Variants in CAPN11 observed in about 807,000 individuals in gnomAD.
CAPN11 encodes calpain 11, also known as calpain-11.
Under a neutral mutation model 105.3 loss-of-function variants are expected in CAPN11, and 108 were observed. The observed-to-expected ratio is 1.03, with a 90% confidence interval of 0.88 to 1.20. The LOEUF (loss-of-function observed/expected upper bound fraction) is 1.20. Among genes scored for constraint, CAPN11 ranks in the 50% most tolerant of loss-of-function variants. The pLI, the probability that CAPN11 is intolerant of heterozygous loss-of-function variation, is 0.00. For synonymous variants in CAPN11, 329 were observed against 344.5 expected, an observed-to-expected ratio of 0.96 and a Z score of 0.50; for missense variants, 883 against 924.8, an observed-to-expected ratio of 0.95 and a Z score of 0.59.
At position 44,176,871 on chromosome 6, in the gene CAPN11, G is replaced by A. The variant is rs766211947; in HGVS notation, c.1110G>A (p.Thr370=). ...ACCAAGATTTCCTGAACAACTTCAC[G>A]CTCCTGGAGATCTGCAACCTCACGC... ...MSYQDFLNNF[T]LLEICNLTPD... Residue 370 remains threonine, a synonymous_variant, in exon 11 of 23, where the codon ACG becomes ACA. Coordinates refer to ENST00000398776, the MANE Select transcript of CAPN11 (RefSeq NM_007058.4). The A allele has an allele frequency of 9.8e-5, 158 of 1,613,762 alleles. No homozygotes were observed. The highest frequency in any genetic ancestry group is 1.2e-4 in the Non-Finnish European group (136 of 1,179,882).
Position 44,173,396 on chromosome 6 carries a change from G to T in CAPN11, c.831+10G>T. On this transcript the variant is annotated intron_variant, in intron 7 of 22. Transcript: ENST00000398776. ...GGGTTGCTCCATTGAAGTAAGCAAAGCATGGTCCCACCTCAGGGCCTTTGC... is the reference window on the plus strand; with the variant it reads ...GGGTTGCTCCATTGAAGTAAGCAAATCATGGTCCCACCTCAGGGCCTTTGC... 1 of 1,580,974 alleles carries T rather than the reference G, an allele frequency of 6.3e-7. No individual in the cohort carries two copies. Among genetic ancestry groups the T allele is most frequent in the Non-Finnish European group, 8.6e-7 (1 of 1,158,698 alleles).
rs183689207 is a variant in CAPN11, at chr6:44,168,419, G to A, written c.89-862G>A. Among the ~76,000 whole-genome samples, 548 of 151,064 alleles carry A rather than the reference G, an allele frequency of 3.6e-3. 1 individual carries two copies. Among genetic ancestry groups the A allele is most frequent in the Non-Finnish European group, 5.5e-3 (371 of 67,718 alleles). On this transcript the variant is annotated intron_variant, in intron 2 of 22. Transcript: ENST00000398776. ...CGAATAGCTGGGATTACAGGCGCCC[G>A]CCACCACGCCCAGCTAATTTTTGTA...
intron 1 of CAPN11, among the ~76,000 whole-genome samples, chr6:44,162,397 ACAC>A (rs1769030991): frequency 6.7e-6 from 1 of 149,552 alleles, no homozygotes; most frequent in Admixed American, 6.9e-5. Flanking sequence ...ACACACACAC[ACAC>A]ACACACACAC....
chr6:44,162,325 T>C (rs1768995704), intron 1 of CAPN11, among the ~76,000 whole-genome samples: 1 of 151,342 alleles, frequency 6.6e-6, no homozygotes, highest in Non-Finnish European at 1.5e-5. Flanking sequence ...CTCCACTGTT[T>C]AACCCCGCCC....
At position 44,177,235 on chromosome 6, in the gene CAPN11, G is replaced by A. The variant is rs200893630; in HGVS notation, c.1238-7G>A. The A allele has an allele frequency of 2.0e-5, 31 of 1,570,438 alleles. No homozygotes were observed. The highest frequency in any genetic ancestry group is 5.4e-5 in the African/African-American group (4 of 73,956). ...CGTATAACCACGCTGACCCACTTCC[G>A]CCACAGGCACGTTCTGGACCAACCC... On this transcript the variant is annotated splice_region_variant and splice_polypyrimidine_tract_variant and intron_variant, in intron 11 of 22. Coordinates refer to ENST00000398776, the MANE Select transcript of CAPN11 (RefSeq NM_007058.4).
chr6:44,171,418 G>T (rs1770980195), intron 4 of CAPN11, among the ~76,000 whole-genome samples: 1 of 152,222 alleles, frequency 6.6e-6, no homozygotes, highest in Non-Finnish European at 1.5e-5. Flanking sequence ...TAATGTGGGT[G>T]ACATGAGGGA....
At position 44,176,593 on chromosome 6, in the gene CAPN11, G is replaced by A. The variant is rs1222175725; in HGVS notation, c.1014G>A (p.Trp338Ter). Reference protein sequence around the residue: ...NGAWSDSAREWEEVASDIQMQ... With the variant: ...NGAWSDSARE ...ATCTCTGCTCCAGTGCCAGGGAGTG[G>A]GAAGAGGTGGCCTCAGACATCCAGA... The change falls in exon 10 of 23, where the codon TGG (tryptophan) becomes TGA (stop). Residue 338 changes from tryptophan (W) to a stop codon, truncating the protein, a stop_gained. Transcript: ENST00000398776. LOFTEE classifies it high-confidence loss of function. 6.2e-7 allele frequency: 1 copy of A among 1,612,100 alleles called. No individual in the cohort carries two copies.
intron 12 of CAPN11, 41 bp downstream of exon 12, chr6:44,177,461 C>G (rs377531303): frequency 4.6e-6 from 7 of 1,516,152 alleles, no homozygotes; most frequent in Admixed American, 1.9e-5. Flanking sequence ...CACTCTCCCT[C>G]ACCTGACCTC....
At chr6:44,181,212 C>T (rs1266850036) in intron 18 of CAPN11, 40 bp from the exon 19 acceptor site, 8 of 1,596,022 alleles carry the variant, frequency 5.0e-6, no homozygotes, top group Admixed American at 1.7e-5. Context: ...CCTGGGATGC[C>T]TTCTTCACTC....
At chr6:44,171,768 A>G (rs1253488252) in intron 4 of CAPN11, among the ~76,000 whole-genome samples, 2 of 152,210 alleles carry the variant, frequency 1.3e-5, no homozygotes, top group African/African-American at 4.8e-5. Flanking sequence ...TGTCTCTCAC[A>G]TAATAGAAAA....
At chr6:44,168,941 G>T in intron 2 of CAPN11, 2 of 447,546 alleles carry the variant, frequency 4.5e-6, no homozygotes, top group Non-Finnish European at 4.5e-6. Flanking sequence ...TTTTTTTTTA[G>T]AGACAAGGTC....
chr6:44,161,860 G>A lies in CAPN11; in HGVS notation c.16+2996G>A, dbSNP rs554100912. On this transcript the variant is annotated intron_variant, in intron 1 of 22. Transcript: ENST00000398776. ...TAGAGGCTGCCTGGAGTGACTGCAC[G>A]GTGCAAGGGCATGGAGTGGTTTGCC... 241 of 456,216 alleles carry A rather than the reference G, an allele frequency of 5.3e-4. 2 individuals are homozygous for A. The highest frequency in any genetic ancestry group is 4.3e-3 in the African/African-American group (214 of 50,174). 28.3% of individuals were successfully genotyped at this position (456,216 alleles called of 1,614,324 possible).
chr6:44,183,305 T>G, intron 21 of CAPN11, 70 bp downstream of exon 21: 8 of 915,094 alleles, frequency 8.7e-6, no homozygotes, highest in African/African-American at 1.6e-5. Context: ...ACACCCACCC[T>G]GATGGGTGCT....
intron 11 of CAPN11, 41 bp downstream of exon 11, chr6:44,177,039 A>C (rs760211979): frequency 4.4e-6 from 7 of 1,597,110 alleles, no homozygotes; most frequent in Non-Finnish European, 6.0e-6. Flanking sequence ...GCAGGGAGTG[A>C]AGGATGGGCC....
chr6:44,183,813 C>G (rs762096088), intron 22 of CAPN11, 50 bp downstream of exon 22: 1 of 1,596,126 alleles, frequency 6.3e-7, no homozygotes, highest in Non-Finnish European at 8.6e-7. Context: ...CCTGCCTGCC[C>G]CTCAACCCCA....
chr6:44,181,507 CACTCACAT>C (rs1773300595), intron 19 of CAPN11, among the ~76,000 whole-genome samples, 187 bp downstream of exon 19: 1 of 138,988 alleles, frequency 7.2e-6, no homozygotes, highest in Non-Finnish European at 1.6e-5. Context: ...CACACACACA[CACTCACAT>C]ACAGACACAA....
At chr6:44,177,947 T>A (rs1397236520) in intron 12 of CAPN11, among the ~76,000 whole-genome samples, 1 of 152,060 alleles carries the variant, frequency 6.6e-6, no homozygotes, top group African/African-American at 2.4e-5. Context: ...GGCCCTGACC[T>A]CCCAGGCTCA....
Position 44,169,416 on chromosome 6 carries a change from G to A in CAPN11, c.224G>A (p.Arg75Lys), listed in dbSNP as rs190216536. Residue 75 changes from arginine (R) to lysine (K), a missense_variant, in exon 3 of 23, where the codon AGA becomes AAA. Transcript: ENST00000398776. ...GAGGAGCTGCGAGCAGCCTGTCTAA[G>A]AAAGGGGGAGCTCTTCGAGGACCCC... ...SFEELRAACL[R>K]KGELFEDPLF... 7.3e-5 allele frequency: 117 copies of A among 1,613,754 alleles called. No individual in the cohort carries two copies. The highest frequency in any genetic ancestry group is 8.6e-5 in the Non-Finnish European group (102 of 1,179,848).
rs773390392 is a variant in CAPN11 at position 44,158,866 on chromosome 6, T to C, written c.16+2T>C. 1.5e-5 allele frequency: 24 copies of C among 1,550,952 alleles called. 1 individual carries two copies. The South Asian group carries it at 1.8e-4, about 12-fold the overall frequency. ...CCACCAGCATGCTGTACTCCCCAGG[T>C]AGGCACTCATGGGGCCTTGCCCCAC... On this transcript the variant is annotated splice_donor_variant, in intron 1 of 22. Coordinates refer to ENST00000398776, the MANE Select transcript of CAPN11 (RefSeq NM_007058.4). LOFTEE classifies it high-confidence loss of function.
Sources: gnomAD v4.1 joint callset for allele counts (sites outside exome capture counted in the v4.1 genomes callset) on GRCh38, gnomAD v4.1.1 for gene constraint, MANE v1.5 for transcripts, NCBI Gene and HGNC (gene_info 2026-07-23, HGNC 2026-07-21) for gene names.